Variants in ARMH3 observed in about 807,000 individuals in gnomAD.
The protein encoded by ARMH3 is armadillo-like helical domain-containing protein 3.
ARMH3 carries 60 observed loss-of-function variants against 99.1 expected under a neutral mutation model. The ratio of observed to expected loss-of-function variants is 0.61; its 90% CI spans 0.49 to 0.75. The LOEUF (loss-of-function observed/expected upper bound fraction) is 0.75. Ranked by LOEUF, ARMH3 falls within the 30% of genes least tolerant of loss-of-function variation. The probability of loss-of-function intolerance (pLI) is 0.00; values close to 1 mark genes in which losing one functional copy is unlikely to be tolerated. For missense variants in ARMH3, 679 were observed against 843.1 expected (o/e 0.81, Z 2.41); for synonymous variants, 285 against 292.8 (o/e 0.97, Z 0.27).
intron 24 of ARMH3, among the ~76,000 whole-genome samples, chr10:101,882,037 T>G (rs2067432982): frequency 2.0e-5 from 3 of 152,162 alleles, no homozygotes; most frequent in African/African-American, 7.2e-5. Flanking sequence ...CTTGCACTAT[T>G]CCATCCTCTG....
chr10:101,848,624 A>G (rs569854092), intron 25 of ARMH3, among the ~76,000 whole-genome samples: 20 of 152,222 alleles, frequency 1.3e-4, no homozygotes, highest in Non-Finnish European at 2.4e-4. Context: ...GGCAAACAGC[A>G]GGAAACTTGA....
At chr10:101,964,753 G>A (rs1845459802) in intron 20 of ARMH3, among the ~76,000 whole-genome samples, 1 of 151,742 alleles carries the variant, frequency 6.6e-6, no homozygotes, top group African/African-American at 2.4e-5. Flanking sequence ...GCTCACACCT[G>A]TAATCCCAGC....
At chr10:101,925,478 C>T (rs1188673711) in intron 23 of ARMH3, among the ~76,000 whole-genome samples, 1 of 152,204 alleles carries the variant, frequency 6.6e-6, no homozygotes, top group African/African-American at 2.4e-5. Flanking sequence ...AGCAGTAGTA[C>T]ACATGTTACT....
chr10:101,918,197 G>A (rs1456486690), intron 23 of ARMH3, among the ~76,000 whole-genome samples: 1 of 152,080 alleles, frequency 6.6e-6, no homozygotes, highest in Non-Finnish European at 1.5e-5. Flanking sequence ...GGGACTACAG[G>A]TGTGCACCAC....
intron 8 of ARMH3, among the ~76,000 whole-genome samples, chr10:102,014,771 T>C (rs1017998361): frequency 4.6e-5 from 7 of 152,202 alleles, no homozygotes; most frequent in Non-Finnish European, 7.3e-5. Context: ...TAAATGGTCA[T>C]ATATTTAAAC....
At chr10:102,020,955 G>C (rs369090506) in intron 8 of ARMH3, among the ~76,000 whole-genome samples, 1 of 151,884 alleles carries the variant, frequency 6.6e-6, no homozygotes. Flanking sequence ...AGTCCTGCAA[G>C]CTCCATTCAT....
At chr10:101,960,678 C>G (rs535463220) in intron 20 of ARMH3, among the ~76,000 whole-genome samples, 39 of 152,010 alleles carry the variant, frequency 2.6e-4, no homozygotes, top group Non-Finnish European at 5.3e-4. Context: ...ATCATGAGGT[C>G]AGGAGTTCGA....
intron 24 of ARMH3, among the ~76,000 whole-genome samples, chr10:101,864,618 T>G (rs975732118): frequency 6.6e-6 from 1 of 152,200 alleles, no homozygotes; most frequent in African/African-American, 2.4e-5. Flanking sequence ...CTGGAAACCA[T>G]AATTCTGAGC....
chr10:101,912,890 G>A (rs1842925815), intron 23 of ARMH3: 1 of 152,112 alleles, frequency 6.6e-6, no homozygotes, highest in Non-Finnish European at 1.5e-5. Flanking sequence ...GCATTTCTCA[G>A]ATGATGGATA....
chr10:101,872,851 G>A (rs1356325542), intron 24 of ARMH3, among the ~76,000 whole-genome samples: 5 of 151,752 alleles, frequency 3.3e-5, no homozygotes, highest in Non-Finnish European at 7.4e-5. Flanking sequence ...CCAGCTACTC[G>A]GGAGGCTGAG....
intron 24 of ARMH3, among the ~76,000 whole-genome samples, chr10:101,851,609 A>C (rs867188447): frequency 6.6e-6 from 1 of 152,316 alleles, no homozygotes; most frequent in East Asian, 1.9e-4. Context: ...CACCAGTCCA[A>C]ATTTGTGCCA....
intron 1 of ARMH3, among the ~76,000 whole-genome samples, chr10:102,051,265 G>A (rs1171080423): frequency 1.3e-5 from 2 of 151,674 alleles, no homozygotes; most frequent in African/African-American, 4.8e-5. Context: ...CTGAGGTCAA[G>A]AGTTCGAGAC....
At chr10:101,953,193 A>T (rs1415919256) in intron 22 of ARMH3, among the ~76,000 whole-genome samples, 1 of 152,154 alleles carries the variant, frequency 6.6e-6, no homozygotes, top group Non-Finnish European at 1.5e-5. Flanking sequence ...GCAGTGGTAC[A>T]ATCTCAGCTC....
intron 23 of ARMH3, among the ~76,000 whole-genome samples, chr10:101,915,634 A>C (rs1050532215): frequency 6.6e-6 from 1 of 152,122 alleles, no homozygotes; most frequent in Non-Finnish European, 1.5e-5. Flanking sequence ...GCAATAGTTT[A>C]GCATTCATGG....
At chr10:101,883,919 G>A (rs917423944) in intron 24 of ARMH3, among the ~76,000 whole-genome samples, 2 of 151,866 alleles carry the variant, frequency 1.3e-5, no homozygotes, top group Non-Finnish European at 2.9e-5. Context: ...CTTGAACCCA[G>A]GAGGTCGAGG....
chr10:102,041,067 T>C (rs1393463637), intron 1 of ARMH3, among the ~76,000 whole-genome samples: 1 of 129,928 alleles, frequency 7.7e-6, no homozygotes, highest in East Asian at 2.3e-4. Context: ...CAAATTTAAT[T>C]GTGTGTACAT....
At chr10:101,980,645 C>T in intron 19 of ARMH3, among the ~76,000 whole-genome samples, 1 of 152,052 alleles carries the variant, frequency 6.6e-6, no homozygotes, top group East Asian at 1.9e-4. Context: ...CAAAGAATAT[C>T]CCAAGACCCT....
At chr10:101,927,299 T>C (rs986788377) in intron 23 of ARMH3, among the ~76,000 whole-genome samples, 3 of 152,180 alleles carry the variant, frequency 2.0e-5, no homozygotes, top group African/African-American at 7.2e-5. Flanking sequence ...GCTGTCTAAA[T>C]ACATATTTAC....
chr10:102,048,285 G>A (rs1405128069), intron 1 of ARMH3, among the ~76,000 whole-genome samples: 3 of 152,190 alleles, frequency 2.0e-5, no homozygotes, highest in African/African-American at 4.8e-5. Context: ...AAGACACACT[G>A]ACTATAGTAT....
Sources: gnomAD v4.1 joint callset for allele counts (sites outside exome capture counted in the v4.1 genomes callset) on GRCh38, gnomAD v4.1.1 for gene constraint, MANE v1.5 for transcripts, NCBI Gene and HGNC (gene_info 2026-07-23, HGNC 2026-07-21) for gene names.